Variants in NPR3 observed in about 807,000 individuals in gnomAD.
NPR3 encodes atrial natriuretic peptide receptor 3.
In NPR3, 34 loss-of-function variants were observed where a neutral mutation model predicts 54.5. That is an observed-to-expected ratio of 0.62 (90% CI 0.47 to 0.83). The LOEUF (loss-of-function observed/expected upper bound fraction) is 0.83, where lower values mean the gene tolerates loss of function less well. Ranked by LOEUF, NPR3 falls within the 40% of genes least tolerant of loss-of-function variation. The pLI, the probability that NPR3 is intolerant of heterozygous loss-of-function variation, is 0.00. For missense variants in NPR3, 674 were observed against 720.8 expected, an observed-to-expected ratio of 0.94 and a Z score of 0.74; for synonymous variants, 289 against 297.1, an observed-to-expected ratio of 0.97 and a Z score of 0.28.
In NPR3 at chr5:32,700,393, C is replaced by A. The variant is rs575735661; in HGVS notation, c.100+11207C>A. Among the ~76,000 whole-genome samples, 7 of 151,936 alleles carry A rather than the reference C, an allele frequency of 4.6e-5. No individual in the cohort carries two copies. The South Asian group carries it at 1.5e-3, about 32-fold the overall frequency. ...ATGTGCTTCATTGTTTTTTTAAATT[C>A]TTTTTTCTTTTTTTTCATTATACTT... On this transcript the variant is annotated intron_variant, in intron 1 of 5. Transcript: ENST00000509104.
At chr5:32,727,454 T>A (rs936877400) in intron 2 of NPR3, among the ~76,000 whole-genome samples, 6 of 152,224 alleles carry the variant, frequency 3.9e-5, no homozygotes, top group Non-Finnish European at 8.8e-5. Flanking sequence ...ATAGATATTG[T>A]CCATTTTTAC....
chr5:32,696,574 A>G (rs369158863), intron 1 of NPR3, among the ~76,000 whole-genome samples: 3 of 152,142 alleles, frequency 2.0e-5, no homozygotes, highest in African/African-American at 7.2e-5. Context: ...ATTACATTGA[A>G]TATGTAGATG....
chr5:32,712,691 T>C, intron 1 of NPR3, 146 bp downstream of exon 1: 1 of 736,306 alleles, frequency 1.4e-6, no homozygotes, highest in South Asian at 2.3e-5. Flanking sequence ...GTATGCGCCG[T>C]GTGGCTGCGA....
At chr5:32,785,138 A>ATTTTTTT (rs11427729) in intron 7 of NPR3, among the ~76,000 whole-genome samples, 1 of 90,894 alleles carries the variant, frequency 1.1e-5, no homozygotes, top group Non-Finnish European at 2.0e-5. Flanking sequence ...TTGATCACAG[A>ATTTTTTT]TTTTTTTTTT....
intron 3 of NPR3, among the ~76,000 whole-genome samples, chr5:32,751,600 T>C (rs538463464): frequency 3.3e-5 from 5 of 152,206 alleles, no homozygotes; most frequent in African/African-American, 9.6e-5. Flanking sequence ...TTTTTTCTCC[T>C]TATTTAGATG....
chr5:32,711,813 G>GT lies in NPR3; in HGVS notation c.38dup (p.Leu14ThrfsTer50). On this transcript the variant is annotated frameshift_variant, in exon 1 of 8. Transcript: ENST00000265074. LOFTEE classifies it high-confidence loss of function. The stretch of plus-strand genomic sequence containing the variant: ...GCTGGTGCTCACTTTCTCCCCGTGC[G>GT]TACTACTCGGCTGGGCGTTGCTGGC... The GT allele has an allele frequency of 1.4e-6, 2 of 1,451,288 alleles. No homozygotes were observed. Among genetic ancestry groups the GT allele is most frequent in the South Asian group, 3.0e-5 (2 of 67,164 alleles). The allele number at this position is 1,451,288 out of a possible 1,614,324, so 89.9% of individuals were successfully genotyped here.
intron 1 of NPR3, among the ~76,000 whole-genome samples, chr5:32,697,348 T>C (rs1251541174): frequency 6.6e-6 from 1 of 152,176 alleles, no homozygotes; most frequent in Admixed American, 6.5e-5. Flanking sequence ...TCACAATAAA[T>C]GATCCTTTTA....
At chr5:32,772,746 T>C (rs191271089) in intron 3 of NPR3, among the ~76,000 whole-genome samples, 140 of 152,346 alleles carry the variant, frequency 9.2e-4, no homozygotes, top group African/African-American at 3.2e-3. Flanking sequence ...ATGCTGATTC[T>C]GCCAGACACT....
rs2112023624 is a variant in NPR3, at chr5:32,764,872, T to C, written c.1060-9836T>C. Among the ~76,000 whole-genome samples the C allele has an allele frequency of 2.0e-5, 3 of 150,804 alleles. No individual in the cohort carries two copies. The East Asian group carries it at 5.8e-4, about 29-fold the overall frequency. On this transcript the variant is annotated intron_variant, in intron 3 of 7. Coordinates refer to ENST00000265074, the MANE Select transcript of NPR3 (RefSeq NM_001204375.2). ...GAGAGAGTTAATCTGATACAAACTA[T>C]GCCACCACTACTGGAATGCTCTTTT... is the stretch of plus-strand genomic sequence containing the variant.
intron 3 of NPR3, among the ~76,000 whole-genome samples, chr5:32,773,153 C>T (rs571690208): frequency 6.6e-6 from 1 of 152,296 alleles, no homozygotes; most frequent in African/African-American, 2.4e-5. Context: ...CTAAGCCATG[C>T]CAGGTGGTCA....
chr5:32,699,614 T>C (rs963931277), intron 1 of NPR3, among the ~76,000 whole-genome samples: 1 of 152,230 alleles, frequency 6.6e-6, no homozygotes, highest in African/African-American at 2.4e-5. Flanking sequence ...TAACTTTTTG[T>C]CACTTGTATT....
At chr5:32,714,591 T>A (rs979656994) in intron 1 of NPR3, among the ~76,000 whole-genome samples, 6 of 152,178 alleles carry the variant, frequency 3.9e-5, no homozygotes, top group African/African-American at 1.2e-4. Flanking sequence ...AGGTTAGGAT[T>A]TTACAATTCT....
intron 3 of NPR3, among the ~76,000 whole-genome samples, chr5:32,750,221 C>G (rs1020827387): frequency 6.6e-6 from 1 of 152,198 alleles, no homozygotes; most frequent in Non-Finnish European, 1.5e-5. Context: ...CTCCGCTTCC[C>G]AGGGTCAAGC....
chr5:32,729,430 A>G (rs529166473), intron 2 of NPR3, among the ~76,000 whole-genome samples: 23 of 152,302 alleles, frequency 1.5e-4, no homozygotes, highest in African/African-American at 5.1e-4. Flanking sequence ...ATTTTGGAAC[A>G]TTTTGGATTT....
intron 2 of NPR3, among the ~76,000 whole-genome samples, chr5:32,729,696 G>T (rs1217683599): frequency 6.6e-6 from 1 of 152,164 alleles, no homozygotes; most frequent in Non-Finnish European, 1.5e-5. Context: ...ATTATAGCAT[G>T]ATGGTATTTG....
At chr5:32,701,300 T>C (rs747265185) in intron 1 of NPR3, among the ~76,000 whole-genome samples, 1 of 152,238 alleles carries the variant, frequency 6.6e-6, no homozygotes. Context: ...GAGACTCTGA[T>C]GCATTCTTCA....
rs763789232 is a variant in NPR3 at position 32,784,922 on chromosome 5, GCTGT to G, written c.1514+42_1514+45del. ...GTAAAGGTACAATTCACTCTCTTCT[GCTGT>G]CTTTGTCATTTGATTTTACATGATT... On this transcript the variant is annotated intron_variant, in intron 7 of 7. Coordinates refer to ENST00000265074, the MANE Select transcript of NPR3 (RefSeq NM_001204375.2). The G allele has an allele frequency of 2.1e-6, 3 of 1,408,848 alleles. No individual in the cohort carries two copies. The Admixed American group carries it at 5.0e-5, about 24-fold the overall frequency. 87.3% of individuals were successfully genotyped at this position (1,408,848 alleles called of 1,614,324 possible).
At chr5:32,742,970 T>A (rs1297083657) in intron 3 of NPR3, among the ~76,000 whole-genome samples, 1 of 152,220 alleles carries the variant, frequency 6.6e-6, no homozygotes, top group Non-Finnish European at 1.5e-5. Context: ...TACCATGTTG[T>A]CAGCATCTTT....
chr5:32,739,600 G>A (rs1032306465), intron 3 of NPR3, among the ~76,000 whole-genome samples: 4 of 152,116 alleles, frequency 2.6e-5, no homozygotes, highest in Admixed American at 6.5e-5. Flanking sequence ...TGTTACTAGT[G>A]CATTTCAAGA....
Sources: allele counts gnomAD v4.1 joint callset (sites outside exome capture counted in the v4.1 genomes callset), GRCh38; gene constraint gnomAD v4.1.1; transcripts MANE v1.5; gene names NCBI Gene and HGNC (gene_info 2026-07-23, HGNC 2026-07-21).